Variants in PCDHA7 observed in about 807,000 individuals in gnomAD.
PCDHA7 encodes protocadherin alpha 7, also known as protocadherin alpha-7.
A neutral mutation model predicts 57.2 loss-of-function variants in PCDHA7; 37 were observed. The observed-to-expected ratio is 0.65, with a 90% CI of 0.50 to 0.85. The LOEUF is 0.85. Among genes scored for constraint, PCDHA7 ranks in the 40% least tolerant of loss-of-function variants. The pLI, the probability that PCDHA7 is intolerant of heterozygous loss-of-function variation, is 0.00. For missense variants in PCDHA7, 1,188 were observed against 1,241.8 expected, an observed-to-expected ratio of 0.96 and a Z score of 0.65; for synonymous variants, 553 against 558.8, an observed-to-expected ratio of 0.99 and a Z score of 0.15.
chr5:140,941,211 CTTCCTTTCTTTCTTTCTTT>C (rs1563185577), intron 1 of PCDHA7, among the ~76,000 whole-genome samples: 1,494 of 129,708 alleles, frequency 0.012, 26 homozygotes, highest in African/African-American at 0.041. Flanking sequence ...TCCTTTCTTT[CTTCCTTTCTTTCTTTCTTT>C]CTTTCTTTCT....
chr5:140,846,036 T>A (rs2150383909), intron 1 of PCDHA7, among the ~76,000 whole-genome samples: 1 of 149,754 alleles, frequency 6.7e-6, no homozygotes, highest in Non-Finnish European at 1.5e-5. Context: ...TTTAGGAAAG[T>A]CAAGTTAACA....
intron 1 of PCDHA7, among the ~76,000 whole-genome samples, chr5:140,908,509 A>G (rs1458307706): frequency 1.3e-5 from 2 of 152,116 alleles, no homozygotes; most frequent in Non-Finnish European, 2.9e-5. Flanking sequence ...TGACTTGATG[A>G]CCCATAGTCA....
intron 1 of PCDHA7, chr5:140,861,361 T>C: frequency 2.8e-6 from 1 of 352,562 alleles, no homozygotes; most frequent in Admixed American, 3.2e-5. Flanking sequence ...CATAGCGTCT[T>C]CGCGGTCCCT....
At chr5:140,994,789 G>A (rs901197365) in intron 3 of PCDHA7, among the ~76,000 whole-genome samples, 8 of 152,260 alleles carry the variant, frequency 5.3e-5, no homozygotes, top group South Asian at 4.1e-4. Flanking sequence ...GAAACAATGC[G>A]TGCATGCAAA....
intron 1 of PCDHA7, among the ~76,000 whole-genome samples, chr5:140,845,131 G>A (rs1779712441): frequency 6.7e-6 from 1 of 149,158 alleles, no homozygotes; most frequent in South Asian, 2.1e-4. Flanking sequence ...CATTTTATTT[G>A]ACTATTTGAA....
intron 1 of PCDHA7, among the ~76,000 whole-genome samples, chr5:140,974,046 GATA>G (rs1554235775): frequency 6.6e-6 from 1 of 152,184 alleles, no homozygotes; most frequent in African/African-American, 2.4e-5. Context: ...TTATTAATAT[GATA>G]ATATTTGGAG....
At chr5:140,977,816 T>C (rs2096776197) in intron 1 of PCDHA7, among the ~76,000 whole-genome samples, 1 of 152,190 alleles carries the variant, frequency 6.6e-6, no homozygotes, top group Non-Finnish European at 1.5e-5. Flanking sequence ...TTATTGACAG[T>C]TTTGAATGGT....
chr5:140,956,904 G>A lies in PCDHA7; in HGVS notation c.2356-22045G>A, dbSNP rs182022057. ...TATCAATGAATGAATATTCTTAAAT[G>A]TATAAACTTTAATCTTGCTGGATAT... On this transcript the variant is annotated intron_variant, in intron 1 of 3. Transcript: ENST00000525929. Among the ~76,000 whole-genome samples, 178 of 152,232 alleles carry A rather than the reference G, an allele frequency of 1.2e-3. 1 individual carries two copies. Among genetic ancestry groups the A allele is most frequent in the African/African-American group, 3.9e-3 (163 of 41,538 alleles).
At chr5:140,986,461 C>A (rs1554248079) in intron 3 of PCDHA7, among the ~76,000 whole-genome samples, 1 of 152,154 alleles carries the variant, frequency 6.6e-6, no homozygotes. Flanking sequence ...TTAATGAATG[C>A]CCTCTTGTGA....
In PCDHA7 at chr5:140,835,406, G is replaced by A. The variant is rs1773617181; in HGVS notation, c.1023G>A (p.Val341=). Residue 341 remains valine, a synonymous_variant, in exon 1 of 4, where the codon GTG becomes GTA. Coordinates refer to ENST00000525929, the MANE Select transcript of PCDHA7 (RefSeq NM_018910.3). The part of the protein sequence containing the change: ...AGHCTVLVEV[V]DVNDNAPQLT... Reference sequence around the variant, plus strand: ...ATTGTACAGTTCTTGTGGAAGTTGTGGATGTAAATGACAATGCTCCACAGT... The same window carrying A: ...ATTGTACAGTTCTTGTGGAAGTTGTAGATGTAAATGACAATGCTCCACAGT... 1 of 1,613,856 alleles carries A rather than the reference G, an allele frequency of 6.2e-7. No individual in the cohort carries two copies. The highest frequency in any genetic ancestry group is 1.3e-5 in the African/African-American group (1 of 74,932).
intron 1 of PCDHA7, among the ~76,000 whole-genome samples, chr5:140,879,606 G>A (rs1554170878): frequency 6.6e-6 from 1 of 152,196 alleles, no homozygotes; most frequent in Non-Finnish European, 1.5e-5. Context: ...AAAACAATGT[G>A]TCCAGGTACT....
chr5:140,882,070 CA>C, intron 1 of PCDHA7: 1 of 854,288 alleles, frequency 1.2e-6, no homozygotes, highest in Non-Finnish European at 1.8e-6. Flanking sequence ...CGTTCATGCG[CA>C]TGGTGTCGCT....
intron 3 of PCDHA7, among the ~76,000 whole-genome samples, chr5:140,985,614 C>G (rs2097160648): frequency 6.6e-6 from 1 of 152,100 alleles, no homozygotes; most frequent in East Asian, 1.9e-4. Flanking sequence ...TTCCGTGAAC[C>G]AGCTGTGTAT....
intron 1 of PCDHA7, among the ~76,000 whole-genome samples, chr5:140,955,336 T>G (rs1294171389): frequency 1.3e-5 from 2 of 152,144 alleles, no homozygotes; most frequent in African/African-American, 2.4e-5. Context: ...GTTCCCATAA[T>G]CCCCACATGT....
At chr5:140,987,635 G>A (rs2097262928) in intron 3 of PCDHA7, among the ~76,000 whole-genome samples, 3 of 152,176 alleles carry the variant, frequency 2.0e-5, no homozygotes, top group Non-Finnish European at 4.4e-5. Context: ...ATGAGATAAT[G>A]CACACATATT....
chr5:140,988,381 T>C (rs1554250091), intron 3 of PCDHA7, among the ~76,000 whole-genome samples: 3 of 152,158 alleles, frequency 2.0e-5, no homozygotes, highest in Admixed American at 6.5e-5. Flanking sequence ...GTGAAACTCA[T>C]TGTGTTTGCC....
rs1554139232 is a variant in PCDHA7 at position 140,842,637 on chromosome 5, C to T, written c.2355+5899C>T. On this transcript the variant is annotated intron_variant, in intron 1 of 3. Transcript: ENST00000525929. ...GGCTCGCCTTCGCTGTGGGCCACCG[C>T]CAGCTTGTCTGTGGAGGTGGCCGAC... 4 of 1,592,344 alleles carry T rather than the reference C, an allele frequency of 2.5e-6. No individual in the cohort carries two copies. The Middle Eastern group carries it at 6.8e-4, about 271-fold the overall frequency.
At chr5:140,950,821 G>T (rs1361371532) in intron 1 of PCDHA7, among the ~76,000 whole-genome samples, 8 of 152,020 alleles carry the variant, frequency 5.3e-5, no homozygotes, top group Non-Finnish European at 4.4e-5. Context: ...TAGGGTTAAA[G>T]TTTGGTCCTT....
At position 140,835,847 on chromosome 5, in the gene PCDHA7, G is replaced by T. The variant is rs140727991; in HGVS notation, c.1464G>T (p.Ala488=). The change falls in exon 1 of 4, where the codon GCG becomes GCT. Residue 488 remains alanine (A), a synonymous_variant. Transcript: ENST00000525929. The part of the protein sequence containing the change: ...SAGDADAQKN[A]LVSYSLVELR... ...GGGACGCGGACGCGCAGAAGAACGC[G>T]CTGGTGTCCTACTCGCTGGTGGAGC... 20 of 1,612,344 alleles carry T rather than the reference G, an allele frequency of 1.2e-5. No individual in the cohort carries two copies. Among genetic ancestry groups the T allele is most frequent in the Admixed American group, 1.7e-5 (1 of 60,006 alleles).
Sources: allele counts gnomAD v4.1 joint callset (sites outside exome capture counted in the v4.1 genomes callset), GRCh38; gene constraint gnomAD v4.1.1; transcripts MANE v1.5; gene names NCBI Gene and HGNC (gene_info 2026-07-23, HGNC 2026-07-21).